Variants in NOX4 observed in about 807,000 individuals in gnomAD.
NOX4 encodes NADPH oxidase 4, also known as kidney oxidase-1.
Under a neutral mutation model 87.6 loss-of-function variants are expected in NOX4, and 69 were observed. The observed-to-expected ratio is 0.79, with a 90% CI of 0.65 to 0.96. NOX4 has a LOEUF of 0.96. Among genes scored for constraint, NOX4 ranks in the 40% least tolerant of loss-of-function variants. The probability of loss-of-function intolerance (pLI) is 0.00; values close to 1 mark genes in which losing one functional copy is unlikely to be tolerated. For synonymous variants in NOX4, 275 were observed against 238.2 expected, an observed-to-expected ratio of 1.15 and a Z score of -1.42; for missense variants, 680 against 681.5, an observed-to-expected ratio of 1.00 and a Z score of 0.02.
rs61903449 is a variant in NOX4, at chr11:89,353,839, T to C, written c.1217+1123A>G. Among the ~76,000 whole-genome samples the C allele has an allele frequency of 9.3e-4, 141 of 152,304 alleles. 2 individuals are homozygous for C. Among genetic ancestry groups the C allele is most frequent in the Non-Finnish European group, 1.7e-3 (117 of 68,036 alleles). On this transcript the variant is annotated intron_variant, in intron 13 of 17. Transcript: ENST00000263317. ...CGTGCACCAATCCTTTTAGGCACAT[T>C]CATGCTCCTGGTCAACATGTACGTA... is the stretch of plus-strand genomic sequence containing the variant.
intron 8 of NOX4, among the ~76,000 whole-genome samples, chr11:89,410,194 G>T (rs1942403194): frequency 6.6e-6 from 1 of 152,126 alleles, no homozygotes; most frequent in Non-Finnish European, 1.5e-5. Flanking sequence ...AGATTTAAAA[G>T]CTAATTCCTT....
intron 11 of NOX4, among the ~76,000 whole-genome samples, chr11:89,379,863 A>G (rs1328687739): frequency 6.6e-6 from 1 of 152,186 alleles, no homozygotes; most frequent in African/African-American, 2.4e-5. Flanking sequence ...CTTCGACTAG[A>G]TGACTGCAAC....
rs375403624 is a variant in NOX4 at position 89,490,443 on chromosome 11, G to C, written c.153+15C>G. ...AAACCCATTCCACCAGATTATCCAA[G>C]TTCACCTTACTTACCCCCAACATCT... is the stretch of plus-strand genomic sequence containing the variant. On this transcript the variant is annotated intron_variant, in intron 2 of 17. Transcript: ENST00000263317. The C allele has an allele frequency of 5.1e-6, 8 of 1,560,034 alleles. No homozygotes were observed. The African/African-American group carries it at 8.1e-5, about 16-fold the overall frequency.
the NOX4 span, among the ~76,000 whole-genome samples, chr11:89,537,138 T>C: frequency 2.0e-5 from 3 of 152,192 alleles, no homozygotes; most frequent in African/African-American, 7.2e-5. Flanking sequence ...TTTTGAGTTT[T>C]TGCCATTGTT....
chr11:89,465,179 C>T (rs1204485732), intron 2 of NOX4, among the ~76,000 whole-genome samples: 1 of 152,066 alleles, frequency 6.6e-6, no homozygotes. Context: ...GTGTGCCCTC[C>T]TATGTCCATG....
intron 11 of NOX4, among the ~76,000 whole-genome samples, chr11:89,392,025 T>G (rs1432650146): frequency 1.3e-5 from 2 of 150,394 alleles, no homozygotes; most frequent in Non-Finnish European, 3.0e-5. Context: ...CCTGGGATAA[T>G]TTCCAGAGAA....
At chr11:89,419,901 T>G (rs1179879155) in intron 8 of NOX4, among the ~76,000 whole-genome samples, 3 of 151,972 alleles carry the variant, frequency 2.0e-5, no homozygotes, top group South Asian at 2.1e-4. Context: ...TAGTAAAACA[T>G]AAAGGCAAAA....
rs1340506135 is a variant in NOX4, at chr11:89,402,501, G to A, written c.671C>T (p.Pro224Leu). 3.1e-6 allele frequency: 5 copies of A among 1,611,356 alleles called. No homozygotes were observed. Among genetic ancestry groups the A allele is most frequent in the African/African-American group, 1.3e-5 (1 of 74,708 alleles). ...KYQTNLDTHP[P>L]GCISLNRTSS... ...GGTTCGGTTAAGACTGATGCAGCCG[G>A]GAGGGTGGGTATCTAAATTAGTTTG... The change falls in exon 9 of 18, where the codon CCC becomes CTC. Residue 224 changes from proline to leucine, a missense_variant. By Grantham distance (98) the Pro-to-Leu change is moderately conservative. Coordinates refer to ENST00000263317, the MANE Select transcript of NOX4 (RefSeq NM_016931.5).
intron 8 of NOX4, among the ~76,000 whole-genome samples, chr11:89,419,409 C>A (rs1942966448): frequency 1.3e-5 from 2 of 151,608 alleles, no homozygotes. Flanking sequence ...TAAGCCAATC[C>A]TTCATCAGTA....
intron 8 of NOX4, among the ~76,000 whole-genome samples, chr11:89,420,989 C>T (rs539113600): frequency 1.3e-5 from 2 of 152,140 alleles, no homozygotes; most frequent in Non-Finnish European, 2.9e-5. Context: ...TACGAATGAG[C>T]CTTACCCAAT....
intron 8 of NOX4, among the ~76,000 whole-genome samples, chr11:89,407,903 G>A (rs1434887132): frequency 6.6e-6 from 1 of 151,444 alleles, no homozygotes; most frequent in Non-Finnish European, 1.5e-5. Flanking sequence ...TTATATTTGT[G>A]GTATTTTAAT....
At chr11:89,491,962 A>G (rs529807136), upstream of NOX4, among the ~76,000 whole-genome samples, 85 of 152,204 alleles carry the variant, frequency 5.6e-4, no homozygotes, top group Non-Finnish European at 1.1e-3. Context: ...ACCAGCCGCC[A>G]GTTTCTTTAT....
At chr11:89,459,180 A>T (rs1218706064) in intron 2 of NOX4, among the ~76,000 whole-genome samples, 9 of 152,114 alleles carry the variant, frequency 5.9e-5, no homozygotes, top group African/African-American at 2.2e-4. Context: ...CCTGGAGATG[A>T]TTATCCTAAA....
At chr11:89,464,568 G>T (rs1446531367) in intron 2 of NOX4, among the ~76,000 whole-genome samples, 1 of 152,020 alleles carries the variant, frequency 6.6e-6, no homozygotes, top group Non-Finnish European at 1.5e-5. Context: ...AGTTACTTCA[G>T]GTGTTTATTT....
intron 11 of NOX4, among the ~76,000 whole-genome samples, chr11:89,377,080 C>T (rs1939902353): frequency 6.6e-6 from 1 of 151,846 alleles, no homozygotes; most frequent in South Asian, 2.1e-4. Flanking sequence ...TAAATACACG[C>T]ATAAAAAATA....
intron 13 of NOX4, among the ~76,000 whole-genome samples, chr11:89,348,098 C>G (rs564666166): frequency 6.6e-6 from 1 of 152,162 alleles, no homozygotes; most frequent in Non-Finnish European, 1.5e-5. Context: ...CAACAAAGAC[C>G]AGGCCTGTGA....
chr11:89,561,169 T>C, the NOX4 span, among the ~76,000 whole-genome samples: 1 of 147,412 alleles, frequency 6.8e-6, no homozygotes, highest in African/African-American at 2.5e-5. Flanking sequence ...AAGTTTGTTC[T>C]AGCCTATCCA....
At chr11:89,545,032 A>G in the NOX4 span, 1 of 152,138 alleles carries the variant, frequency 6.6e-6, no homozygotes, top group South Asian at 2.1e-4. Flanking sequence ...ATGAACTTTT[A>G]TATTTAGATT....
intron 12 of NOX4, among the ~76,000 whole-genome samples, chr11:89,368,458 G>C (rs1196442048): frequency 2.6e-5 from 4 of 152,056 alleles, no homozygotes; most frequent in African/African-American, 9.7e-5. Flanking sequence ...TTTGATGCCT[G>C]GTAAAGTCTG....
Sources: gnomAD v4.1 joint callset for allele counts (sites outside exome capture counted in the v4.1 genomes callset) on GRCh38, gnomAD v4.1.1 for gene constraint, MANE v1.5 for transcripts, NCBI Gene and HGNC (gene_info 2026-07-23, HGNC 2026-07-21) for gene names.